The following JAK1 variants were observed in gnomAD, a reference collection of about 807,000 sequenced individuals.
JAK1 encodes the protein Janus kinase 1, also known as tyrosine-protein kinase JAK1.
A neutral mutation model predicts 136.6 loss-of-function variants in JAK1; 16 were observed. That is an observed-to-expected ratio of 0.12 (90% CI 0.08 to 0.18). The LOEUF is 0.18. Among genes scored for constraint, JAK1 ranks in the 10% least tolerant of loss-of-function variants. JAK1 has a pLI of 1.00. For missense variants in JAK1, 859 were observed against 1,450.1 expected, an observed-to-expected ratio of 0.59 and a Z score of 6.62; for synonymous variants, 492 against 519.5, an observed-to-expected ratio of 0.95 and a Z score of 0.72.
intron 1 of JAK1, among the ~76,000 whole-genome samples, chr1:64,920,895 TC>T (rs1291180449): frequency 6.6e-6 from 1 of 152,186 alleles, no homozygotes; most frequent in African/African-American, 2.4e-5. Flanking sequence ...TGCAAAACTG[TC>T]CCTAATATCC....
chr1:64,867,933 T>C (rs906175158), intron 6 of JAK1, among the ~76,000 whole-genome samples: 7 of 151,948 alleles, frequency 4.6e-5, no homozygotes. Flanking sequence ...AAAGTTGCGG[T>C]GAGCCAAGAT....
chr1:64,920,085 A>C (rs772071011), intron 1 of JAK1, among the ~76,000 whole-genome samples: 23 of 152,266 alleles, frequency 1.5e-4, no homozygotes, highest in Non-Finnish European at 2.9e-4. Flanking sequence ...CTCCCTATTG[A>C]AAGTTAAAAA....
chr1:64,979,216 C>G (rs1031431919), intron 2 of JAK1, among the ~76,000 whole-genome samples: 14 of 152,140 alleles, frequency 9.2e-5, no homozygotes, highest in African/African-American at 3.1e-4. Flanking sequence ...CATAGTGAGA[C>G]CTCCTCTCTA....
chr1:64,839,590 T>G lies in JAK1; in HGVS notation c.2842+13A>C. Reference sequence around the variant, plus strand: ...CAAATCTTTAAACCGGACCCCAGCCTTGCATAACATACCGTCTTCTGTGCA... The same window carrying G: ...CAAATCTTTAAACCGGACCCCAGCCGTGCATAACATACCGTCTTCTGTGCA... On this transcript the variant is annotated intron_variant, in intron 20 of 24. Coordinates refer to ENST00000342505, the MANE Select transcript of JAK1 (RefSeq NM_002227.4). 6.2e-7 allele frequency: 1 copy of G among 1,610,942 alleles called. No homozygotes were observed. Among genetic ancestry groups the G allele is most frequent in the Non-Finnish European group, 8.5e-7 (1 of 1,177,944 alleles).
At chr1:64,962,853 A>G (rs1646307449) in intron 1 of JAK1, among the ~76,000 whole-genome samples, 1 of 152,180 alleles carries the variant, frequency 6.6e-6, no homozygotes, top group South Asian at 2.1e-4. Context: ...GGATCACTTG[A>G]GATCAGAAGT....
chr1:64,899,460 T>C lies in JAK1; in HGVS notation c.-77-13119A>G, dbSNP rs368693854. On this transcript the variant is annotated intron_variant, in intron 1 of 24. Transcript: ENST00000342505. ...CATCATAAATGCACACATTCAACAT[T>C]ATAGAAAGATATCACTGAAAAGCCA... is the stretch of plus-strand genomic sequence containing the variant. Among the ~76,000 whole-genome samples, 3 of 152,136 alleles carry C rather than the reference T, an allele frequency of 2.0e-5. No homozygotes were observed. In the South Asian group the frequency reaches 6.2e-4, roughly 32 times the overall value.
intron 1 of JAK1, among the ~76,000 whole-genome samples, chr1:64,940,814 T>C (rs1168759379): frequency 6.6e-6 from 1 of 152,182 alleles, no homozygotes; most frequent in Non-Finnish European, 1.5e-5. Flanking sequence ...CTGTATTCAG[T>C]CGCTTCAGTT....
At chr1:65,023,100 A>G (rs1646950448) in intron 2 of JAK1, 1 of 151,906 alleles carries the variant, frequency 6.6e-6, no homozygotes, top group Non-Finnish European at 1.5e-5. Context: ...GTTCGGTTCA[A>G]TGACTTTTTT....
chr1:64,872,123 T>C (rs1283275910), intron 5 of JAK1, among the ~76,000 whole-genome samples: 1 of 152,178 alleles, frequency 6.6e-6, no homozygotes, highest in African/African-American at 2.4e-5. Context: ...TCAGATCTTT[T>C]CAACTGAGGC....
chr1:65,016,180 G>A (rs948840188), intron 2 of JAK1, among the ~76,000 whole-genome samples: 4 of 152,188 alleles, frequency 2.6e-5, no homozygotes. Flanking sequence ...AAGTTTGTCA[G>A]GGGCTGGGGA....
intron 1 of JAK1, among the ~76,000 whole-genome samples, chr1:64,948,732 T>C (rs1394306126): frequency 6.6e-6 from 1 of 152,210 alleles, no homozygotes; most frequent in Non-Finnish European, 1.5e-5. Context: ...CAACACTCAC[T>C]GCAACACACC....
At chr1:65,021,811 T>C (rs1340347649) in intron 2 of JAK1, among the ~76,000 whole-genome samples, 1 of 152,204 alleles carries the variant, frequency 6.6e-6, no homozygotes, top group Admixed American at 6.6e-5. Context: ...TTCCCATTTT[T>C]TTAGAAGAGG....
chr1:65,007,239 A>G (rs922978632), intron 2 of JAK1, among the ~76,000 whole-genome samples: 3 of 152,180 alleles, frequency 2.0e-5, no homozygotes, highest in Non-Finnish European at 4.4e-5. Flanking sequence ...CCCGAAAGGA[A>G]GAAGATCCGG....
intron 1 of JAK1, among the ~76,000 whole-genome samples, chr1:64,921,920 T>C (rs767118109): frequency 9.2e-5 from 14 of 151,984 alleles, no homozygotes; most frequent in Non-Finnish European, 2.1e-4. Flanking sequence ...AGCTATAGCA[T>C]GACTTCAGTC....
chr1:64,865,863 G>A (rs113596619), intron 7 of JAK1, among the ~76,000 whole-genome samples: 4 of 151,996 alleles, frequency 2.6e-5, no homozygotes, highest in Non-Finnish European at 4.4e-5. Context: ...AGGCTCAGGC[G>A]ATCCTCCCAA....
chr1:64,894,551 G>C (rs1033004012), intron 1 of JAK1, among the ~76,000 whole-genome samples: 1 of 152,100 alleles, frequency 6.6e-6, no homozygotes, highest in Non-Finnish European at 1.5e-5. Flanking sequence ...TTGAGGTCAG[G>C]AGTTCGAAAC....
chr1:64,966,546 A>G lies in JAK1; in HGVS notation c.-291T>C, dbSNP rs1371908450. ...CGGCCGCCGCGGCCTGCGCTCAGCG[A>G]CGCACCGCCTCCCGTCCCGCCCCGC... On this transcript the variant is annotated 5_prime_UTR_variant, in exon 1 of 25. Transcript: ENST00000342505. 6.7e-6 allele frequency: 1 copy of G among 149,052 alleles called. No individual in the cohort carries two copies. Among genetic ancestry groups the G allele is most frequent in the East Asian group, 2.0e-4 (1 of 5,000 alleles). 9.2% of individuals were successfully genotyped at this position (149,052 alleles called of 1,614,324 possible). A position where few individuals can be genotyped will look rare whatever the true frequency, so the allele number is the denominator to read the frequency against.
chr1:64,860,203 G>A lies in JAK1; in HGVS notation c.1236C>T (p.Tyr412=), dbSNP rs777232458. 9.3e-6 allele frequency: 15 copies of A among 1,612,036 alleles called. No individual in the cohort carries two copies. The South Asian group carries it at 1.7e-4, about 18-fold the overall frequency. Residue 412 remains tyrosine (Y), a synonymous_variant, in exon 9 of 25, where the codon TAC becomes TAT. Transcript: ENST00000342505. ...GATGGGCATCTGCTGTGAGCCGGAA[G>A]TAGCCATCTACCAGGGACACAAAGG... ...ALSFVSLVDG[Y]FRLTADAHHY...
chr1:64,846,207 C>G (rs1219733951), intron 14 of JAK1, among the ~76,000 whole-genome samples: 1 of 152,154 alleles, frequency 6.6e-6, no homozygotes, highest in Non-Finnish European at 1.5e-5. Context: ...AGCCCAAGGG[C>G]CCACCGGCTC....
Sources: allele counts gnomAD v4.1 joint callset (sites outside exome capture counted in the v4.1 genomes callset), GRCh38; gene constraint gnomAD v4.1.1; transcripts MANE v1.5; gene names NCBI Gene and HGNC (gene_info 2026-07-23, HGNC 2026-07-21).